Variants in KLRG1 observed in about 807,000 individuals in gnomAD.
KLRG1 encodes killer cell lectin-like receptor subfamily G member 1.
A neutral mutation model predicts 21.8 loss-of-function variants in KLRG1; 16 were observed. That is an observed-to-expected ratio of 0.73 (90% CI 0.50 to 1.11). The LOEUF is 1.11. Among genes scored for constraint, KLRG1 ranks in the 50% most tolerant of loss-of-function variants. The pLI is 0.00. For missense variants in KLRG1, 173 were observed against 218.3 expected (o/e 0.79, Z 1.31); for synonymous variants, 69 against 75.9 (o/e 0.91, Z 0.47).
the KLRG1 span, chr12:9,101,150 C>T: frequency 6.4e-7 from 1 of 1,559,622 alleles, no homozygotes; most frequent in Admixed American, 1.9e-5. Flanking sequence ...TCACTGTCTT[C>T]CTGCTTCACA....
At chr12:9,177,436 A>G in the KLRG1 span, among the ~76,000 whole-genome samples, 73 of 152,338 alleles carry the variant, frequency 4.8e-4, no homozygotes, top group Admixed American at 8.5e-4. Context: ...CAACCAGGGC[A>G]GGTCACAAGC....
the KLRG1 span, among the ~76,000 whole-genome samples, chr12:9,146,644 AG>A: frequency 0.25 from 38,057 of 152,110 alleles, 5,508 homozygotes; most frequent in Admixed American, 0.32. Flanking sequence ...AGTCTTGTAT[AG>A]GAGAAGGTTC....
At chr12:9,107,237 A>C in the KLRG1 span, among the ~76,000 whole-genome samples, 4 of 152,168 alleles carry the variant, frequency 2.6e-5, no homozygotes, top group African/African-American at 9.7e-5. Context: ...TGGCCAGCTA[A>C]GGCAATTAAG....
chr12:9,181,450 A>T, the KLRG1 span, among the ~76,000 whole-genome samples: 1 of 152,230 alleles, frequency 6.6e-6, no homozygotes, highest in Non-Finnish European at 1.5e-5. Flanking sequence ...AAGTGATTCT[A>T]TTTAGACAGG....
intron 3 of KLRG1, among the ~76,000 whole-genome samples, chr12:9,003,170 A>G (rs1220301172): frequency 6.6e-6 from 1 of 152,034 alleles, no homozygotes; most frequent in Non-Finnish European, 1.5e-5. Flanking sequence ...GCATTACCTA[A>G]TCCTAGCTCT....
the KLRG1 span, among the ~76,000 whole-genome samples, chr12:9,194,548 TC>T: frequency 1.4e-5 from 2 of 146,042 alleles, no homozygotes; most frequent in Non-Finnish European, 3.0e-5. Context: ...CACTGCAAGC[TC>T]TGCCTCCTGG....
At chr12:9,098,695 G>A in the KLRG1 span, 2 of 1,612,464 alleles carry the variant, frequency 1.2e-6, no homozygotes, top group South Asian at 1.1e-5. Flanking sequence ...AGGAGCCGCT[G>A]TGACTCGCAG....
chr12:9,137,082 C>T, the KLRG1 span, among the ~76,000 whole-genome samples: 293 of 152,236 alleles, frequency 1.9e-3, 1 homozygote, highest in African/African-American at 6.8e-3. Flanking sequence ...ATTTTGGTGT[C>T]ATATCCAAGA....
rs1946904964 is a variant in KLRG1, at chr12:8,989,552, T to C, written c.-84T>C. Reference sequence around the variant, plus strand: ...AGTTTCCTGCTAGCAGTTTAGAGATTGGGCTGTTTCCTCACTGATACATAT... The same window carrying C: ...AGTTTCCTGCTAGCAGTTTAGAGATCGGGCTGTTTCCTCACTGATACATAT... On this transcript the variant is annotated 5_prime_UTR_variant, in exon 1 of 5. Coordinates refer to ENST00000356986, the MANE Select transcript of KLRG1 (RefSeq NM_005810.4). 4 of 817,356 alleles carry C rather than the reference T, an allele frequency of 4.9e-6. No homozygotes were observed. In the Middle Eastern group the frequency reaches 7.0e-4, roughly 143 times the overall value. The allele number at this position is 817,356 out of a possible 1,614,324, so 50.6% of individuals were successfully genotyped here.
chr12:8,961,970 C>T (rs1946389095), intron 1 of KLRG1, among the ~76,000 whole-genome samples: 1 of 152,122 alleles, frequency 6.6e-6, no homozygotes, highest in Admixed American at 6.5e-5. Context: ...CCTGTAGTCC[C>T]AGCTACACAG....
the KLRG1 span, among the ~76,000 whole-genome samples, chr12:9,062,974 G>A: frequency 2.6e-5 from 4 of 151,972 alleles, no homozygotes; most frequent in Non-Finnish European, 5.9e-5. Flanking sequence ...CTCAGACAAC[G>A]TGGATGGACA....
chr12:9,081,810 A>G, the KLRG1 span, among the ~76,000 whole-genome samples: 1 of 152,218 alleles, frequency 6.6e-6, no homozygotes, highest in East Asian at 1.9e-4. Flanking sequence ...CACAGGAAGT[A>G]ATGAGGTCAG....
chr12:9,031,108 G>A, the KLRG1 span, among the ~76,000 whole-genome samples: 1 of 152,198 alleles, frequency 6.6e-6, no homozygotes, highest in Non-Finnish European at 1.5e-5. Context: ...GCTGCTGCAC[G>A]TGGTGAGGGC....
At chr12:9,162,925 C>A in the KLRG1 span, among the ~76,000 whole-genome samples, 1 of 152,182 alleles carries the variant, frequency 6.6e-6, no homozygotes, top group East Asian at 1.9e-4. Context: ...GATGCTCTCC[C>A]TTCTGTCACT....
At chr12:9,034,519 C>A in the KLRG1 span, among the ~76,000 whole-genome samples, 28 of 149,356 alleles carry the variant, frequency 1.9e-4, no homozygotes, top group East Asian at 4.6e-3. Context: ...GATCTCGGCT[C>A]GCTGCAACCT....
chr12:9,205,493 C>T, the KLRG1 span, among the ~76,000 whole-genome samples: 12 of 152,148 alleles, frequency 7.9e-5, no homozygotes, highest in Admixed American at 7.9e-4. Flanking sequence ...TTCATGGAAG[C>T]TAAAACATGA....
the KLRG1 span, among the ~76,000 whole-genome samples, chr12:9,195,824 T>C: frequency 1.1e-4 from 16 of 151,154 alleles, no homozygotes; most frequent in East Asian, 2.9e-3. Flanking sequence ...AATATTTTAT[T>C]GGCTTTATTA....
the KLRG1 span, among the ~76,000 whole-genome samples, chr12:9,130,911 T>C: frequency 6.6e-6 from 1 of 152,208 alleles, no homozygotes; most frequent in Non-Finnish European, 1.5e-5. Context: ...TGTTTTCTTC[T>C]AGAAATTTCA....
intron 1 of KLRG1, among the ~76,000 whole-genome samples, chr12:8,950,546 C>G (rs1371584028): frequency 6.6e-6 from 1 of 152,168 alleles, no homozygotes; most frequent in South Asian, 2.1e-4. Flanking sequence ...TCCTGTGGAC[C>G]CTCGCTTGTG....
Sources: gnomAD v4.1 joint callset for allele counts (sites outside exome capture counted in the v4.1 genomes callset) on GRCh38, gnomAD v4.1.1 for gene constraint, MANE v1.5 for transcripts, NCBI Gene and HGNC (gene_info 2026-07-23, HGNC 2026-07-21) for gene names.